Variants in NEBL observed in about 807,000 individuals in gnomAD.
The protein encoded by NEBL is LIM and SH3 protein 2.
In NEBL, 122 loss-of-function variants were observed where a neutral mutation model predicts 140.2. The ratio of observed to expected loss-of-function variants is 0.87; its 90% CI spans 0.75 to 1.01. NEBL has a LOEUF of 1.01. NEBL is among the 50% of genes least tolerant of loss of function. The pLI is 0.00. For missense variants in NEBL, 1,365 were observed against 1,231.3 expected, an observed-to-expected ratio of 1.11 and a Z score of -1.62; for synonymous variants, 436 against 398.9, an observed-to-expected ratio of 1.09 and a Z score of -1.11.
At chr10:21,001,741 T>C (rs538208978) in intron 3 of NEBL, among the ~76,000 whole-genome samples, 7 of 152,284 alleles carry the variant, frequency 4.6e-5, no homozygotes, top group South Asian at 2.1e-4. Context: ...CAAGGTCTGA[T>C]TGCAAAAATT....
At chr10:21,189,491 G>C (rs1481982498) in intron 3 of NEBL, among the ~76,000 whole-genome samples, 3 of 151,984 alleles carry the variant, frequency 2.0e-5, no homozygotes, top group African/African-American at 7.3e-5. Context: ...TTGAGATGGA[G>C]TCTCACTCTG....
intron 2 of NEBL, among the ~76,000 whole-genome samples, chr10:21,034,167 G>GAAAAA (rs964552949): frequency 3.0e-5 from 1 of 33,498 alleles, no homozygotes; most frequent in African/African-American, 8.2e-5. Context: ...ACCCTATCTC[G>GAAAAA]AAAAAAAAAA....
intron 11 of NEBL, 121 bp from the exon 12 acceptor site, chr10:20,845,489 G>A: frequency 1.5e-6 from 1 of 652,050 alleles, no homozygotes; most frequent in Admixed American, 2.6e-5. Flanking sequence ...CCACCTGAGG[G>A]TCATCCTATC....
intron 26 of NEBL, among the ~76,000 whole-genome samples, chr10:20,792,353 A>ATG (rs1176498708): frequency 6.6e-6 from 1 of 152,216 alleles, no homozygotes; most frequent in Non-Finnish European, 1.5e-5. Flanking sequence ...TTATCAGCTA[A>ATG]TGTATGTCAA....
chr10:20,963,062 T>A (rs1836132089), intron 3 of NEBL, among the ~76,000 whole-genome samples: 1 of 149,370 alleles, frequency 6.7e-6, no homozygotes, highest in African/African-American at 2.5e-5. Flanking sequence ...ATCTAGATAC[T>A]CTCATCGCTT....
chr10:20,859,928 C>G (rs1405876883), intron 7 of NEBL, 102 bp from the exon 8 acceptor site: 1 of 642,082 alleles, frequency 1.6e-6, no homozygotes, highest in African/African-American at 1.9e-5. Flanking sequence ...TGAATGTTGC[C>G]AAGTGTAAAT....
intron 4 of NEBL, among the ~76,000 whole-genome samples, chr10:20,914,986 A>ATTTTTTT (rs1564440843): frequency 5.6e-5 from 1 of 17,978 alleles, no homozygotes; most frequent in African/African-American, 1.9e-4. Flanking sequence ...TTTTTTTTGG[A>ATTTTTTT]GAGATGGGGT....
intron 16 of NEBL, among the ~76,000 whole-genome samples, chr10:20,830,421 C>G (rs1259812263): frequency 6.6e-6 from 1 of 152,050 alleles, no homozygotes; most frequent in Non-Finnish European, 1.5e-5. Flanking sequence ...TTGCCCAAGT[C>G]AGATTTTATA....
rs1835150931 is a variant in NEBL at position 20,946,204 on chromosome 10, G to C, written c.357+15468C>G. On this transcript the variant is annotated intron_variant, in intron 4 of 6. Coordinates refer to the NEBL transcript ENST00000417816. ...CAGCCCTCATAGGCTGTATGAGCAA[G>C]GAGCCCATCGTGTTTCCTCCAAAGT... Among the ~76,000 whole-genome samples the C allele has an allele frequency of 2.0e-5, 3 of 152,206 alleles. No individual in the cohort carries two copies. The South Asian group carries it at 6.2e-4, about 32-fold the overall frequency.
At chr10:20,987,061 T>C (rs1837283894) in intron 3 of NEBL, among the ~76,000 whole-genome samples, 1 of 152,226 alleles carries the variant, frequency 6.6e-6, no homozygotes, top group Non-Finnish European at 1.5e-5. Flanking sequence ...ATTTGCTAGA[T>C]GAAATGTGGA....
upstream of NEBL, among the ~76,000 whole-genome samples, chr10:21,175,931 T>C (rs1841290157): frequency 6.6e-6 from 1 of 152,232 alleles, no homozygotes; most frequent in Non-Finnish European, 1.5e-5. Context: ...GCAAGAATGT[T>C]GGTGATATGT....
At chr10:21,000,464 A>G (rs1837849561) in intron 3 of NEBL, among the ~76,000 whole-genome samples, 1 of 152,104 alleles carries the variant, frequency 6.6e-6, no homozygotes, top group Admixed American at 6.5e-5. Flanking sequence ...CTCCCCATCT[A>G]CACAGGGTTG....
intron 3 of NEBL, among the ~76,000 whole-genome samples, chr10:21,228,259 T>C (rs370133372): frequency 5.0e-4 from 76 of 152,218 alleles, no homozygotes; most frequent in African/African-American, 1.8e-3. Flanking sequence ...AGTCACGCAA[T>C]GCTCCCGCCT....
At chr10:21,075,171 C>A (rs1438204652) in intron 2 of NEBL, among the ~76,000 whole-genome samples, 4 of 152,108 alleles carry the variant, frequency 2.6e-5, no homozygotes, top group African/African-American at 4.8e-5. Flanking sequence ...AGAAATATTT[C>A]TCTTCTGAAA....
At chr10:21,069,001 A>T (rs141040103) in intron 2 of NEBL, among the ~76,000 whole-genome samples, 181 of 152,156 alleles carry the variant, frequency 1.2e-3, no homozygotes, top group African/African-American at 4.3e-3. Flanking sequence ...CAATCCTCCC[A>T]TCTCACTCTC....
intron 3 of NEBL, among the ~76,000 whole-genome samples, chr10:21,205,475 A>G (rs959920419): frequency 1.3e-5 from 2 of 152,234 alleles, no homozygotes; most frequent in East Asian, 3.8e-4. Context: ...CTTTGCAGCT[A>G]TTAAAAGTGA....
chr10:21,095,300 G>A (rs1398204451), intron 2 of NEBL, among the ~76,000 whole-genome samples: 1 of 147,384 alleles, frequency 6.8e-6, no homozygotes, highest in Non-Finnish European at 1.5e-5. Flanking sequence ...AGGTAGTGAT[G>A]GAACCAGGGA....
chr10:21,243,298 C>CTTTTTTTTTTTTT (rs34974511), intron 3 of NEBL, among the ~76,000 whole-genome samples: 2 of 122,582 alleles, frequency 1.6e-5, no homozygotes. Flanking sequence ...ATTGAGCATT[C>CTTTTTTTTTTTTT]TTTTTTTTTT....
In NEBL at chr10:21,248,846, T is replaced by G. The variant is rs7083740; in HGVS notation, n.280-857A>C. ...TCTTTGTTGTTTTCTGTTTTGTTTT[T>G]TTTTTTGACAATAGACATCCCAATG... On this transcript the variant is annotated intron_variant and non_coding_transcript_variant, in intron 2 of 8. Transcript: ENST00000675702. Among the ~76,000 whole-genome samples the G allele has an allele frequency of 9.8e-3, 1,491 of 152,208 alleles. 14 individuals are homozygous for G. Among genetic ancestry groups the G allele is most frequent in the South Asian group, 0.052 (251 of 4,814 alleles).
Sources: allele counts gnomAD v4.1 joint callset (sites outside exome capture counted in the v4.1 genomes callset), GRCh38; gene constraint gnomAD v4.1.1; transcripts MANE v1.5; gene names NCBI Gene and HGNC (gene_info 2026-07-23, HGNC 2026-07-21).